The following CLPB variants were observed in gnomAD, a reference collection of about 807,000 sequenced individuals.
CLPB encodes the protein ClpB family mitochondrial disaggregase.
CLPB carries 40 observed loss-of-function variants against 78.4 expected under a neutral mutation model. That is an observed-to-expected ratio of 0.51 (90% CI 0.40 to 0.66). The LOEUF (loss-of-function observed/expected upper bound fraction) is 0.66, where lower values mean the gene tolerates loss of function less well. CLPB is among the 30% of genes least tolerant of loss of function. The pLI, the probability that CLPB is intolerant of heterozygous loss-of-function variation, is 0.00. For synonymous variants in CLPB, 333 were observed against 348.0 expected (o/e 0.96, Z 0.48); for missense variants, 780 against 886.9 (o/e 0.88, Z 1.53).
chr11:72,365,804 G>A (rs539609620), intron 4 of CLPB, among the ~76,000 whole-genome samples: 44 of 152,216 alleles, frequency 2.9e-4, no homozygotes, highest in African/African-American at 9.4e-4. Context: ...ATAAGCAACG[G>A]GGAAAGGACT....
intron 6 of CLPB, among the ~76,000 whole-genome samples, chr11:72,321,081 G>A (rs1185205804): frequency 1.3e-5 from 2 of 148,764 alleles, no homozygotes; most frequent in Non-Finnish European, 2.9e-5. Context: ...AAAAATACTT[G>A]AGATATATAT....
intron 2 of CLPB, among the ~76,000 whole-genome samples, chr11:72,426,101 T>A (rs1856367324): frequency 6.6e-6 from 1 of 152,172 alleles, no homozygotes; most frequent in African/African-American, 2.4e-5. Context: ...GGGCAGGCAG[T>A]CTGAGGCCCA....
At chr11:72,433,644 C>T (rs1194011034) in intron 1 of CLPB, among the ~76,000 whole-genome samples, 1 of 152,120 alleles carries the variant, frequency 6.6e-6, no homozygotes, top group East Asian at 1.9e-4. Flanking sequence ...ACTCTGGCAC[C>T]TTTGGTGGCG....
intron 7 of CLPB, among the ~76,000 whole-genome samples, chr11:72,311,322 T>C (rs1949842687): frequency 6.6e-6 from 1 of 152,174 alleles, no homozygotes; most frequent in Non-Finnish European, 1.5e-5. Flanking sequence ...ATAGTTGTTG[T>C]TGCTCTCACT....
At position 72,287,130 on chromosome 11, in the gene CLPB, T is replaced by G. The variant is rs1265458442; in HGVS notation, c.*6237A>C. ...TTGCATCTATGGCCATAGGTGAGAT[T>G]AGGCTATAGCATTCTTTCTGGCACT... On this transcript the variant is annotated 3_prime_UTR_variant, in exon 16 of 16. Coordinates refer to ENST00000538039, the MANE Select transcript of CLPB (RefSeq NM_001258392.3). The G allele has an allele frequency of 6.6e-6, 1 of 152,162 alleles. No homozygotes were observed. The highest frequency in any genetic ancestry group is 2.4e-5 in the African/African-American group (1 of 41,432). The allele number at this position is 152,162 out of a possible 1,614,324, so 9.4% of individuals were successfully genotyped here.
At chr11:72,414,215 C>T (rs1490244023) in intron 2 of CLPB, among the ~76,000 whole-genome samples, 1 of 152,142 alleles carries the variant, frequency 6.6e-6, no homozygotes, top group African/African-American at 2.4e-5. Flanking sequence ...GAGGGAGTGG[C>T]CCAAAGCACC....
At chr11:72,331,707 A>G (rs1284887199) in intron 5 of CLPB, among the ~76,000 whole-genome samples, 4 of 150,458 alleles carry the variant, frequency 2.7e-5, no homozygotes, top group African/African-American at 9.8e-5. Context: ...CTGAATAGCT[A>G]GGATCACAGG....
intron 2 of CLPB, among the ~76,000 whole-genome samples, chr11:72,424,366 A>G (rs1409848053): frequency 2.0e-5 from 3 of 152,122 alleles, no homozygotes; most frequent in African/African-American, 7.2e-5. Flanking sequence ...TGCCTCACCC[A>G]TTATTTTCCT....
intron 3 of CLPB, among the ~76,000 whole-genome samples, chr11:72,387,324 G>A (rs1200033802): frequency 6.6e-6 from 1 of 152,190 alleles, no homozygotes; most frequent in Non-Finnish European, 1.5e-5. Context: ...ATCTGGTTGT[G>A]TTAATACACA....
chr11:72,299,598 A>C (rs1283937923), intron 11 of CLPB, among the ~76,000 whole-genome samples: 3 of 152,176 alleles, frequency 2.0e-5, no homozygotes, highest in Non-Finnish European at 2.9e-5. Context: ...AGCACTTACT[A>C]ACCCTTTGAA....
At chr11:72,396,892 T>G (rs1855421526) in intron 3 of CLPB, among the ~76,000 whole-genome samples, 1 of 152,218 alleles carries the variant, frequency 6.6e-6, no homozygotes, top group Non-Finnish European at 1.5e-5. Context: ...GGATGACAGC[T>G]TTTTAAAAAG....
chr11:72,357,889 T>C (rs1489260805), intron 5 of CLPB, among the ~76,000 whole-genome samples: 2 of 151,958 alleles, frequency 1.3e-5, no homozygotes, highest in Non-Finnish European at 2.9e-5. Context: ...CTATGAAGAA[T>C]GATCCCAACA....
At chr11:72,331,064 T>A (rs1260329356) in intron 5 of CLPB, among the ~76,000 whole-genome samples, 4 of 152,058 alleles carry the variant, frequency 2.6e-5, no homozygotes, top group South Asian at 2.1e-4. Flanking sequence ...AAAATTTTTT[T>A]ATTAAAATTT....
intron 9 of CLPB, among the ~76,000 whole-genome samples, chr11:72,305,365 T>A (rs949351850): frequency 6.6e-6 from 1 of 152,238 alleles, no homozygotes; most frequent in East Asian, 1.9e-4. Context: ...GATGGGGCAC[T>A]GCTATGGTAA....
intron 3 of CLPB, 79 bp downstream of exon 3, chr11:72,402,887 C>A (rs1243210998): frequency 2.5e-6 from 3 of 1,190,262 alleles, no homozygotes; most frequent in African/African-American, 3.0e-5. Context: ...CAGGGAGGCA[C>A]ACCAGGTGGG....
chr11:72,302,029 T>C, intron 10 of CLPB, 65 bp from the exon 11 acceptor site: 1 of 1,563,298 alleles, frequency 6.4e-7, no homozygotes, highest in East Asian at 2.2e-5. Flanking sequence ...ACATGGGGCA[T>C]GCATGGGAAG....
At chr11:72,315,429 C>G (rs117091621) in intron 7 of CLPB, among the ~76,000 whole-genome samples, 1 of 152,208 alleles carries the variant, frequency 6.6e-6, no homozygotes, top group Non-Finnish European at 1.5e-5. Context: ...TGCCAAGGCT[C>G]TGGCTTGCAG....
intron 4 of CLPB, among the ~76,000 whole-genome samples, chr11:72,363,919 G>A (rs1565463173): frequency 6.6e-6 from 1 of 152,190 alleles, no homozygotes. Flanking sequence ...TGGCCTCTCA[G>A]CTTCCTCTCA....
At chr11:72,313,706 C>T (rs1163604047) in intron 7 of CLPB, among the ~76,000 whole-genome samples, 1 of 152,160 alleles carries the variant, frequency 6.6e-6, no homozygotes, top group Non-Finnish European at 1.5e-5. Flanking sequence ...TTGTGGGGTA[C>T]ATGAGATATT....
Sources: gnomAD v4.1 joint callset for allele counts (sites outside exome capture counted in the v4.1 genomes callset) on GRCh38, gnomAD v4.1.1 for gene constraint, MANE v1.5 for transcripts, NCBI Gene and HGNC (gene_info 2026-07-23, HGNC 2026-07-21) for gene names.